The following TMEM45A variants were observed in gnomAD, a reference collection of about 807,000 sequenced individuals.
TMEM45A encodes the protein transmembrane protein 45A, also known as DNA polymerase-transactivated protein 4.
TMEM45A carries 25 observed loss-of-function variants against 32.0 expected under a neutral mutation model. The observed-to-expected ratio is 0.78, with a 90% confidence interval of 0.57 to 1.09. TMEM45A has a LOEUF of 1.09. Ranked by LOEUF, TMEM45A falls within the 50% of genes least tolerant of loss-of-function variation. The pLI is 0.00. For missense variants in TMEM45A, 302 were observed against 325.0 expected (o/e 0.93, Z 0.54); for synonymous variants, 122 against 114.8 (o/e 1.06, Z -0.40).
chr3:100,535,094 T>G (rs1204526015), intron 1 of TMEM45A, among the ~76,000 whole-genome samples: 1 of 152,040 alleles, frequency 6.6e-6, no homozygotes, highest in African/African-American at 2.4e-5. Flanking sequence ...AGGCACTTGC[T>G]AAAATCAGGA....
chr3:100,565,754 A>G (rs1483155743), intron 4 of TMEM45A, among the ~76,000 whole-genome samples: 1 of 152,156 alleles, frequency 6.6e-6, no homozygotes, highest in African/African-American at 2.4e-5. Context: ...TTATCTCTCT[A>G]TCTACTTATT....
chr3:100,496,478 C>T (rs1707930511), intron 1 of TMEM45A, among the ~76,000 whole-genome samples: 1 of 152,216 alleles, frequency 6.6e-6, no homozygotes, highest in African/African-American at 2.4e-5. Context: ...CCGAGCCTTA[C>T]CCAATAGGCT....
At chr3:100,568,248 A>T (rs1706484884) in intron 4 of TMEM45A, among the ~76,000 whole-genome samples, 1 of 152,178 alleles carries the variant, frequency 6.6e-6, no homozygotes, top group Non-Finnish European at 1.5e-5. Context: ...AGATCATGTC[A>T]TCTGTGAATG....
chr3:100,569,496 G>A (rs1360806012), intron 5 of TMEM45A, among the ~76,000 whole-genome samples: 4 of 152,182 alleles, frequency 2.6e-5, no homozygotes, highest in African/African-American at 9.6e-5. Flanking sequence ...AGGTGGGTAA[G>A]GAGCAGTAGA....
chr3:100,516,376 A>G (rs1278474695), intron 1 of TMEM45A, among the ~76,000 whole-genome samples: 4 of 152,332 alleles, frequency 2.6e-5, no homozygotes, highest in Admixed American at 6.5e-5. Flanking sequence ...GGTAATGAGT[A>G]AAAGAGGTGG....
chr3:100,493,486 TCTC>T (rs1212982550), intron 1 of TMEM45A, among the ~76,000 whole-genome samples: 1 of 151,992 alleles, frequency 6.6e-6, no homozygotes, highest in East Asian at 1.9e-4. Context: ...TTTTCGGTAT[TCTC>T]CTATCCATAG....
At chr3:100,574,911 T>C (rs1055299095) in intron 5 of TMEM45A, among the ~76,000 whole-genome samples, 5 of 152,208 alleles carry the variant, frequency 3.3e-5, no homozygotes, top group African/African-American at 1.2e-4. Context: ...AGGGTTAAAT[T>C]TTCTGATATA....
Position 100,531,195 on chromosome 3 carries a change from C to T in TMEM45A, c.-3-24014C>T, listed in dbSNP as rs1036161395. Among the ~76,000 whole-genome samples, 5 of 152,048 alleles carry T rather than the reference C, an allele frequency of 3.3e-5. No homozygotes were observed. In the East Asian group the frequency reaches 9.6e-4, roughly 29 times the overall value. Reference sequence around the variant, plus strand: ...AGTAATTTGCCCTCATTAATTATTTCATTATAGTTTTTCCTAATTATTTAT... The same window carrying T: ...AGTAATTTGCCCTCATTAATTATTTTATTATAGTTTTTCCTAATTATTTAT... On this transcript the variant is annotated intron_variant, in intron 1 of 5. Coordinates refer to ENST00000323523, the MANE Select transcript of TMEM45A (RefSeq NM_018004.3).
At position 100,492,761 on chromosome 3, in the gene TMEM45A, C is replaced by CG. The variant is rs1576250410; in HGVS notation, c.-171_-170insG. 1 of 144,310 alleles carries CG rather than the reference C, an allele frequency of 6.9e-6. No homozygotes were observed. Among genetic ancestry groups the CG allele is most frequent in the African/African-American group, 2.6e-5 (1 of 37,806 alleles). 8.9% of individuals were successfully genotyped at this position (144,310 alleles called of 1,614,324 possible). On this transcript the variant is annotated 5_prime_UTR_variant, in exon 1 of 6. Coordinates refer to ENST00000323523, the MANE Select transcript of TMEM45A (RefSeq NM_018004.3). ...GGGACCCAAGTTTAAAAATTCCTCCCCCCACCCAATGCGAGACGTGGCCAG... is the reference window on the plus strand; with the variant it reads ...GGGACCCAAGTTTAAAAATTCCTCCCGCCCACCCAATGCGAGACGTGGCCAG...
intron 1 of TMEM45A, among the ~76,000 whole-genome samples, chr3:100,498,814 G>T (rs1443957396): frequency 6.6e-6 from 1 of 152,128 alleles, no homozygotes; most frequent in Non-Finnish European, 1.5e-5. Context: ...CACAGCAGCT[G>T]CACCATTTTA....
chr3:100,535,743 C>T (rs377004628), intron 1 of TMEM45A, among the ~76,000 whole-genome samples: 5 of 152,048 alleles, frequency 3.3e-5, no homozygotes, highest in Non-Finnish European at 5.9e-5. Flanking sequence ...AATATTAAAC[C>T]GCAAACTTGA....
chr3:100,512,080 A>G (rs934243845), intron 1 of TMEM45A, among the ~76,000 whole-genome samples: 4 of 152,224 alleles, frequency 2.6e-5, no homozygotes, highest in African/African-American at 7.2e-5. Flanking sequence ...CAGAAAGTCA[A>G]CAAGGATACC....
At chr3:100,554,885 A>G (rs1234088859) in intron 1 of TMEM45A, among the ~76,000 whole-genome samples, 1 of 152,214 alleles carries the variant, frequency 6.6e-6, no homozygotes, top group Non-Finnish European at 1.5e-5. Context: ...CTAAATGAGG[A>G]TCCCTAAAGA....
chr3:100,519,479 C>G, intron 1 of TMEM45A: 1 of 1,362,284 alleles, frequency 7.3e-7, no homozygotes, highest in Non-Finnish European at 1.0e-6. Context: ...TCAGCATTAC[C>G]TAAGAAGCAA....
intron 1 of TMEM45A, among the ~76,000 whole-genome samples, chr3:100,513,582 C>G (rs1219172071): frequency 1.3e-5 from 2 of 150,546 alleles, no homozygotes; most frequent in African/African-American, 2.5e-5. Flanking sequence ...GTGATGCCCT[C>G]TCTCACCACT....
At chr3:100,515,328 G>T (rs1160807810) in intron 1 of TMEM45A, among the ~76,000 whole-genome samples, 2 of 151,782 alleles carry the variant, frequency 1.3e-5, no homozygotes, top group Non-Finnish European at 2.9e-5. Context: ...GTGCTTTGTA[G>T]GGACATGGAT....
chr3:100,514,200 G>A (rs1273508327), intron 1 of TMEM45A, among the ~76,000 whole-genome samples: 5 of 152,158 alleles, frequency 3.3e-5, no homozygotes, highest in Non-Finnish European at 5.9e-5. Context: ...AAAGCTGGAG[G>A]CATCATGCTA....
At chr3:100,568,219 A>G (rs1706484381) in intron 4 of TMEM45A, among the ~76,000 whole-genome samples, 1 of 152,182 alleles carries the variant, frequency 6.6e-6, no homozygotes, top group Non-Finnish European at 1.5e-5. Context: ...ATGGATTTTT[A>G]AAGGAATTTC....
At chr3:100,508,409 C>A (rs943012510) in intron 1 of TMEM45A, among the ~76,000 whole-genome samples, 8 of 152,186 alleles carry the variant, frequency 5.3e-5, no homozygotes, top group African/African-American at 1.7e-4. Context: ...TACATCTACT[C>A]AGATGGTTGC....
Sources: gnomAD v4.1 joint callset for allele counts (sites outside exome capture counted in the v4.1 genomes callset) on GRCh38, gnomAD v4.1.1 for gene constraint, MANE v1.5 for transcripts, NCBI Gene and HGNC (gene_info 2026-07-23, HGNC 2026-07-21) for gene names.